MAP7: variants seen among roughly 807,000 people sequenced by gnomAD.
MAP7 encodes ensconsin.
A neutral mutation model predicts 94.8 loss-of-function variants in MAP7; 52 were observed. The ratio of observed to expected loss-of-function variants is 0.55; its 90% CI spans 0.44 to 0.69. MAP7 has a LOEUF of 0.69. Ranked by LOEUF, MAP7 falls within the 30% of genes least tolerant of loss-of-function variation. The pLI is 0.00. For missense variants in MAP7, 940 were observed against 964.6 expected (o/e 0.97, Z 0.34); for synonymous variants, 350 against 357.0 (o/e 0.98, Z 0.22).
intron 1 of MAP7, among the ~76,000 whole-genome samples, chr6:136,477,815 G>A (rs1425242868): frequency 2.0e-5 from 3 of 152,136 alleles, no homozygotes; most frequent in Non-Finnish European, 4.4e-5. Flanking sequence ...TGATCTAATA[G>A]GTATTTATAG....
chr6:136,382,347 G>A (rs1778040580), intron 6 of MAP7, among the ~76,000 whole-genome samples: 1 of 152,180 alleles, frequency 6.6e-6, no homozygotes, highest in African/African-American at 2.4e-5. Context: ...ACTAATTGTA[G>A]TTTGTCTCAG....
At chr6:136,409,695 C>T (rs553150371) in intron 3 of MAP7, among the ~76,000 whole-genome samples, 10 of 152,216 alleles carry the variant, frequency 6.6e-5, no homozygotes, top group Non-Finnish European at 1.5e-4. Flanking sequence ...GCTCTCAATG[C>T]CCCTGGCGCA....
intron 1 of MAP7, among the ~76,000 whole-genome samples, chr6:136,523,119 T>C (rs58842992): frequency 0.041 from 6,288 of 152,210 alleles, 428 homozygotes; most frequent in African/African-American, 0.14. Flanking sequence ...AACTAGTGAC[T>C]GGTAATAATA....
intron 1 of MAP7, among the ~76,000 whole-genome samples, chr6:136,486,535 T>C (rs898715890): frequency 2.0e-5 from 3 of 152,326 alleles, no homozygotes; most frequent in East Asian, 1.9e-4. Context: ...CTAATTTTCA[T>C]AGGCAGAAGA....
intron 1 of MAP7, among the ~76,000 whole-genome samples, chr6:136,458,108 C>G (rs1337406746): frequency 6.6e-6 from 1 of 151,984 alleles, no homozygotes; most frequent in Non-Finnish European, 1.5e-5. Context: ...AATCAACATA[C>G]AAAAACCAGT....
chr6:136,421,831 AT>A (rs774233453), intron 1 of MAP7, 32 bp from the exon 2 acceptor site: 1 of 1,523,198 alleles, frequency 6.6e-7, no homozygotes, highest in Non-Finnish European at 8.9e-7. Context: ...GAAAAGACAC[AT>A]TTAGTTTCTT....
chr6:136,530,850 C>T lies in MAP7; in HGVS notation c.67+19492G>A, dbSNP rs564528674. The stretch of plus-strand genomic sequence containing the variant: ...AAATACTGCCCTAGTAGCGGTGATG[C>T]CATCAGCCAGAAGTACCAGGTCCCT... On this transcript the variant is annotated intron_variant, in intron 1 of 17. Transcript: ENST00000354570. Among the ~76,000 whole-genome samples, 67 of 145,042 alleles carry T rather than the reference C, an allele frequency of 4.6e-4. 16 individuals carry two copies. Among genetic ancestry groups the T allele is most frequent in the African/African-American group, 1.8e-3 (64 of 35,102 alleles).
chr6:136,494,915 G>T (rs974218445), intron 1 of MAP7, among the ~76,000 whole-genome samples: 10 of 152,114 alleles, frequency 6.6e-5, no homozygotes, highest in Non-Finnish European at 1.5e-4. Flanking sequence ...ACAGATGAAA[G>T]GTTATCTCCT....
chr6:136,529,475 ATCCTT>A (rs1354528885), intron 1 of MAP7, among the ~76,000 whole-genome samples: 1 of 152,204 alleles, frequency 6.6e-6, no homozygotes, highest in African/African-American at 2.4e-5. Context: ...TGGCACAACT[ATCCTT>A]GCATGTCACA....
At chr6:136,496,833 A>G (rs1173455644) in intron 1 of MAP7, among the ~76,000 whole-genome samples, 2 of 151,218 alleles carry the variant, frequency 1.3e-5, no homozygotes, top group Admixed American at 6.6e-5. Context: ...ACATGCCTGT[A>G]ATTCCAGCTA....
In MAP7 at chr6:136,478,727, TACCAAAGTTGA is replaced by T. The variant is rs531903633; in HGVS notation, c.68-56939_68-56929del. 1.6e-3 allele frequency among the ~76,000 whole-genome samples: 246 copies of T among 151,960 alleles called. 2 individuals carry two copies. Among genetic ancestry groups the T allele is most frequent in the African/African-American group, 5.8e-3 (242 of 41,520 alleles). ...GGATAAATTCCTAGACACACAAATC[TACCAAAGTTGA>T]ACCATGAGGAAATCCAAAACCTGAA... On this transcript the variant is annotated intron_variant, in intron 1 of 17. Transcript: ENST00000354570.
At chr6:136,522,746 A>G (rs779683845) in intron 1 of MAP7, among the ~76,000 whole-genome samples, 1 of 152,210 alleles carries the variant, frequency 6.6e-6, no homozygotes, top group African/African-American at 2.4e-5. Flanking sequence ...AGAAAATAAG[A>G]GATGGTCAAG....
At chr6:136,469,602 G>A (rs774972815) in intron 1 of MAP7, among the ~76,000 whole-genome samples, 31 of 152,166 alleles carry the variant, frequency 2.0e-4, no homozygotes, top group Non-Finnish European at 4.0e-4. Context: ...GCCCAGGCTG[G>A]TCTTGAACTC....
chr6:136,430,247 G>C (rs1297501230), intron 1 of MAP7, among the ~76,000 whole-genome samples: 2 of 152,210 alleles, frequency 1.3e-5, no homozygotes, highest in Non-Finnish European at 2.9e-5. Flanking sequence ...GAACTGAAAA[G>C]AGGGTGTTTT....
chr6:136,498,491 A>G (rs1562464581), intron 1 of MAP7, among the ~76,000 whole-genome samples: 1 of 152,052 alleles, frequency 6.6e-6, no homozygotes, highest in East Asian at 1.9e-4. Context: ...TGGTTCTAAA[A>G]TGAAATGAAA....
chr6:136,472,309 CT>C (rs768984883), intron 1 of MAP7, among the ~76,000 whole-genome samples: 13 of 152,082 alleles, frequency 8.5e-5, no homozygotes, highest in Non-Finnish European at 1.8e-4. Flanking sequence ...AGCTGGAGTC[CT>C]ATGTTAGGTT....
chr6:136,433,744 C>A (rs561057950), intron 1 of MAP7, among the ~76,000 whole-genome samples: 2 of 152,300 alleles, frequency 1.3e-5, no homozygotes. Context: ...GCATCGTGGG[C>A]TGCTGAAATT....
At chr6:136,360,887 C>T (rs1792473264) in intron 12 of MAP7, 89 bp from the exon 13 acceptor site, 14 of 1,556,050 alleles carry the variant, frequency 9.0e-6, no homozygotes, top group South Asian at 1.1e-5. Context: ...GGCGAGGTGG[C>T]GGATGGAGAA....
intron 1 of MAP7, among the ~76,000 whole-genome samples, chr6:136,543,328 C>T (rs1829476928): frequency 6.6e-6 from 1 of 152,168 alleles, no homozygotes; most frequent in African/African-American, 2.4e-5. Flanking sequence ...AACATGATGC[C>T]AGGTGAAAAA....
Sources: allele counts gnomAD v4.1 joint callset (sites outside exome capture counted in the v4.1 genomes callset), GRCh38; gene constraint gnomAD v4.1.1; transcripts MANE v1.5; gene names NCBI Gene and HGNC (gene_info 2026-07-23, HGNC 2026-07-21).